The following COL18A1 variants were observed in gnomAD, a reference collection of about 807,000 sequenced individuals.
The protein encoded by COL18A1 is collagen alpha-1(XVIII) chain.
COL18A1 carries 133 observed loss-of-function variants against 168.0 expected under a neutral mutation model. The observed-to-expected ratio is 0.79, with a 90% CI of 0.69 to 0.91. The LOEUF (loss-of-function observed/expected upper bound fraction) is 0.91, where lower values mean the gene tolerates loss of function less well. Among genes scored for constraint, COL18A1 ranks in the 40% least tolerant of loss-of-function variants. The pLI, the probability that COL18A1 is intolerant of heterozygous loss-of-function variation, is 0.00. For missense variants in COL18A1, 2,126 were observed against 1,925.4 expected (o/e 1.10, Z -1.95); for synonymous variants, 949 against 809.0 (o/e 1.17, Z -2.94).
rs533059345 is a variant in COL18A1 at position 45,504,613 on chromosome 21, C to T, written c.2868+57C>T. 761 of 1,492,814 alleles carry T rather than the reference C, an allele frequency of 5.1e-4. 1 individual carries two copies. Among genetic ancestry groups the T allele is most frequent in the African/African-American group, 2.8e-3 (198 of 71,964 alleles). 92.5% of individuals were successfully genotyped at this position (1,492,814 alleles called of 1,614,324 possible). A position where few individuals can be genotyped will look rare whatever the true frequency, so the allele number is the denominator to read the frequency against. On this transcript the variant is annotated intron_variant, in intron 34 of 41. Coordinates refer to ENST00000651438, the MANE Select transcript of COL18A1 (RefSeq NM_001379500.1). ...GTCCCAGGGGTCTGGGTGCAGGAGCCGAGGGCAGGTCCAGCCCGGCCTTCG... is the reference window on the plus strand; with the variant it reads ...GTCCCAGGGGTCTGGGTGCAGGAGCTGAGGGCAGGTCCAGCCCGGCCTTCG...
In COL18A1 at chr21:45,437,358, GCA is replaced by G. The variant is rs1381934308; in HGVS notation, c.107-30872_107-30871del. Among the ~76,000 whole-genome samples the G allele has an allele frequency of 6.7e-3, 106 of 15,878 alleles. 4 individuals carry two copies. The highest frequency in any genetic ancestry group is 0.02 in the African/African-American group (64 of 3,182). The allele number at this position is 15,878 out of a possible 152,430, so 10.4% of individuals were successfully genotyped here. On this transcript the variant is annotated intron_variant, in intron 2 of 41. Transcript: ENST00000651438. ...CTCAGACACACAGGCACTCTCCTGC[GCA>G]CACACACACACTCAGACACACAGGC...
At chr21:45,436,419 C>G (rs2034097920) in intron 2 of COL18A1, among the ~76,000 whole-genome samples, 1 of 152,252 alleles carries the variant, frequency 6.6e-6, no homozygotes, top group Non-Finnish European at 1.5e-5. Context: ...AATCTGTGTT[C>G]ATTTTCCTGA....
At chr21:45,435,310 G>T (rs1378922648) in intron 2 of COL18A1, among the ~76,000 whole-genome samples, 1 of 127,064 alleles carries the variant, frequency 7.9e-6, no homozygotes, top group Non-Finnish European at 1.7e-5. Context: ...GTGGGGTGGG[G>T]GTGGGCGGAG....
intron 3 of COL18A1, among the ~76,000 whole-genome samples, chr21:45,472,031 G>A (rs1210555193): frequency 6.6e-6 from 1 of 152,080 alleles, no homozygotes; most frequent in African/African-American, 2.4e-5. Context: ...TGCAGGAGGC[G>A]TCGGCCCCTC....
chr21:45,416,453 CG>C (rs2033448425), intron 2 of COL18A1, among the ~76,000 whole-genome samples: 1 of 152,016 alleles, frequency 6.6e-6, no homozygotes. Flanking sequence ...TGGGGGTGGC[CG>C]GGGCAGGGCG....
rs35500358 is a variant in COL18A1, at chr21:45,428,903, C to CTT, written c.106+23442_106+23443dup. Among the ~76,000 whole-genome samples the CTT allele has an allele frequency of 1.2e-4, 17 of 145,550 alleles. No homozygotes were observed. The South Asian group carries it at 2.8e-3, about 24-fold the overall frequency. The stretch of plus-strand genomic sequence containing the variant: ...GACTATAGCTTGCTTTCTTTCTTTT[C>CTT]TTTTTTTTTTTTTAATTTGAGACGG... On this transcript the variant is annotated intron_variant, in intron 2 of 41. Transcript: ENST00000651438.
rs756648644 is a variant in COL18A1, at chr21:45,421,480, ACCG to A, written c.106+16009_106+16011del. On this transcript the variant is annotated intron_variant, in intron 2 of 41. Transcript: ENST00000651438. ...TGGCGTCTCAGGAGCGGAGCAGGACACCGCGTTTCTGGCTGTGCAAGGCTCCAC... is the reference window on the plus strand; with the variant it reads ...TGGCGTCTCAGGAGCGGAGCAGGACACGTTTCTGGCTGTGCAAGGCTCCAC... 7.5e-6 allele frequency: 4 copies of A among 534,432 alleles called. No homozygotes were observed. In the African/African-American group the frequency reaches 7.7e-5, roughly 10 times the overall value. The allele number at this position is 534,432 out of a possible 1,614,324, so 33.1% of individuals were successfully genotyped here.
At chr21:45,495,314 A>G in intron 28 of COL18A1, 44 bp from the exon 29 acceptor site, 1 of 1,520,644 alleles carries the variant, frequency 6.6e-7, no homozygotes, top group Non-Finnish European at 9.0e-7. Context: ...GTGTCTGGTA[A>G]TCATCAGTGC....
chr21:45,428,677 G>A (rs1053086465), intron 2 of COL18A1, among the ~76,000 whole-genome samples: 1 of 152,056 alleles, frequency 6.6e-6, no homozygotes. Context: ...CTGGATCGGC[G>A]GTTCTGGACG....
intron 2 of COL18A1, among the ~76,000 whole-genome samples, chr21:45,441,603 C>T (rs922860500): frequency 5.9e-5 from 9 of 152,218 alleles, no homozygotes; most frequent in Non-Finnish European, 1.0e-4. Flanking sequence ...CCCTGCTCCT[C>T]TCCGTGATCT....
At chr21:45,489,862 GCCCCTCCCCCACACCTCCTCCCCGACTT>G (rs2036241535) in intron 19 of COL18A1, among the ~76,000 whole-genome samples, 1 of 15,118 alleles carries the variant, frequency 6.6e-5, no homozygotes, top group African/African-American at 2.4e-4. Context: ...TCCCCCACTT[GCCCCTCCCCCACACCTCCTCCCCGACTT>G]CCCCCTCCCC....
At position 45,512,528 on chromosome 21, in the gene COL18A1, T is replaced by A; in HGVS notation, c.*130T>A. On this transcript the variant is annotated 3_prime_UTR_variant, in exon 42 of 42. Transcript: ENST00000651438. ...CATACTTTCCTGTATAGTTCACGTT[T>A]CATGTAATCCTCAAGAAATAAAAGG... 1.3e-6 allele frequency: 1 copy of A among 799,050 alleles called. No individual in the cohort carries two copies. The highest frequency in any genetic ancestry group is 2.0e-6 in the Non-Finnish European group (1 of 491,984). 49.5% of individuals were successfully genotyped at this position (799,050 alleles called of 1,614,324 possible).
chr21:45,431,895 C>T (rs2033973746), intron 2 of COL18A1, among the ~76,000 whole-genome samples: 1 of 152,148 alleles, frequency 6.6e-6, no homozygotes, highest in Non-Finnish European at 1.5e-5. Context: ...CTGCTCCTGC[C>T]AAGGGCAGCC....
At chr21:45,493,317 AC>A in intron 25 of COL18A1, 92 bp downstream of exon 25, 13 of 1,422,998 alleles carry the variant, frequency 9.1e-6, no homozygotes, top group East Asian at 5.0e-5. Context: ...GGGACCTGGG[AC>A]CCCCCGGCTG....
In COL18A1 at chr21:45,481,995, C is replaced by T. The variant is rs772723178; in HGVS notation, c.1644C>T (p.Pro548=). 2.5e-6 allele frequency: 4 copies of T among 1,613,736 alleles called. No homozygotes were observed. The African/African-American group carries it at 4.0e-5, about 16-fold the overall frequency. ...GPPGPPGREG[P]PGRTGQKGSL... ...CAGGCCCTCCGGGAAGAGAGGGGCC[C>T]CCAGGAAGGACTGGGCAGAAAGGCA... is the stretch of plus-strand genomic sequence containing the variant. Residue 548 remains proline, a synonymous_variant, in exon 14 of 42, where the codon CCC becomes CCT. Coordinates refer to ENST00000651438, the MANE Select transcript of COL18A1 (RefSeq NM_001379500.1).
intron 2 of COL18A1, among the ~76,000 whole-genome samples, chr21:45,439,296 C>T (rs900764991): frequency 1.2e-4 from 19 of 152,334 alleles, no homozygotes; most frequent in African/African-American, 3.8e-4. Flanking sequence ...TCCAGGGGCG[C>T]GGAGGGCGCA....
At chr21:45,509,329 G>T (rs374052932) in intron 38 of COL18A1, 27 bp from the exon 39 acceptor site, 2 of 1,541,154 alleles carry the variant, frequency 1.3e-6, no homozygotes, top group African/African-American at 1.4e-5. Context: ...TCCCCCCGCC[G>T]ACAGGCCCCA....
intron 39 of COL18A1, 53 bp from the exon 40 acceptor site, chr21:45,510,010 TG>T: frequency 6.6e-7 from 1 of 1,524,968 alleles, no homozygotes; most frequent in Non-Finnish European, 8.8e-7. Context: ...GCCCGGGGCC[TG>T]GGTGCAGGGG....
intron 9 of COL18A1, among the ~76,000 whole-genome samples, chr21:45,479,606 C>T (rs2035820837): frequency 1.4e-5 from 2 of 144,848 alleles, no homozygotes; most frequent in Admixed American, 1.4e-4. Context: ...GCATACCACA[C>T]ACACACACAC....
Sources: allele counts gnomAD v4.1 joint callset (sites outside exome capture counted in the v4.1 genomes callset), GRCh38; gene constraint gnomAD v4.1.1; transcripts MANE v1.5; gene names NCBI Gene and HGNC (gene_info 2026-07-23, HGNC 2026-07-21).